The following SYNDIG1 variants were observed in gnomAD, a reference collection of about 807,000 sequenced individuals.
SYNDIG1 encodes the protein synapse differentiation-inducing gene protein 1.
Under a neutral mutation model 19.4 loss-of-function variants are expected in SYNDIG1, and 9 were observed. The observed-to-expected ratio is 0.46, with a 90% confidence interval of 0.28 to 0.81. SYNDIG1 has a LOEUF of 0.81. Among genes scored for constraint, SYNDIG1 ranks in the 30% least tolerant of loss-of-function variants. The probability of loss-of-function intolerance (pLI) is 0.12; values close to 1 mark genes in which losing one functional copy is unlikely to be tolerated. For missense variants in SYNDIG1, 311 were observed against 343.3 expected, an observed-to-expected ratio of 0.91 and a Z score of 0.74; for synonymous variants, 141 against 145.9, an observed-to-expected ratio of 0.97 and a Z score of 0.24.
At chr20:24,569,797 G>A (rs1353463054) in intron 2 of SYNDIG1, among the ~76,000 whole-genome samples, 1 of 152,196 alleles carries the variant, frequency 6.6e-6, no homozygotes, top group Non-Finnish European at 1.5e-5. Context: ...GATCAGAAAA[G>A]ATAAGATGAA....
rs192428472 is a variant in SYNDIG1 at position 24,590,415 on chromosome 20, C to T, written c.618+5422C>T. Among the ~76,000 whole-genome samples, 13 of 152,140 alleles carry T rather than the reference C, an allele frequency of 8.5e-5. No homozygotes were observed. In the South Asian group the frequency reaches 1.2e-3, roughly 15 times the overall value. On this transcript the variant is annotated intron_variant, in intron 3 of 3. Coordinates refer to ENST00000376862, the MANE Select transcript of SYNDIG1 (RefSeq NM_024893.3). ...GCTTCCACTTTGGGATAAGAAGCCT[C>T]GGGGGTTTGAGCGGAGGAGAAGCCC... is the stretch of plus-strand genomic sequence containing the variant.
At chr20:24,551,019 T>C (rs528145886) in intron 2 of SYNDIG1, among the ~76,000 whole-genome samples, 98 of 152,348 alleles carry the variant, frequency 6.4e-4, no homozygotes, top group African/African-American at 2.2e-3. Context: ...TAATATTGGC[T>C]GCATAGAATA....
intron 1 of SYNDIG1, among the ~76,000 whole-genome samples, chr20:24,489,627 CAT>C (rs2146299812): frequency 6.6e-6 from 1 of 152,308 alleles, no homozygotes; most frequent in South Asian, 2.1e-4. Flanking sequence ...TGCACACACA[CAT>C]GCTTAAACAG....
chr20:24,517,710 A>G (rs1363515097), intron 1 of SYNDIG1, among the ~76,000 whole-genome samples: 1 of 145,226 alleles, frequency 6.9e-6, no homozygotes, highest in Non-Finnish European at 1.5e-5. Context: ...ATATATGTGT[A>G]TATATATGTG....
At chr20:24,474,861 C>A (rs1475377421) in intron 1 of SYNDIG1, among the ~76,000 whole-genome samples, 1 of 152,246 alleles carries the variant, frequency 6.6e-6, no homozygotes, top group East Asian at 1.9e-4. Flanking sequence ...TACCTTTCCT[C>A]TATTTCAGAA....
At chr20:24,605,409 T>C (rs2058742046) in intron 3 of SYNDIG1, among the ~76,000 whole-genome samples, 1 of 152,184 alleles carries the variant, frequency 6.6e-6, no homozygotes. Context: ...AATAGTCAAA[T>C]GGTATCTCTC....
At chr20:24,622,007 A>G (rs989662183) in intron 3 of SYNDIG1, among the ~76,000 whole-genome samples, 4 of 152,224 alleles carry the variant, frequency 2.6e-5, no homozygotes, top group African/African-American at 9.6e-5. Context: ...TAATATTACA[A>G]GGCAGGCCAA....
At chr20:24,618,443 G>A (rs73345369) in intron 3 of SYNDIG1, among the ~76,000 whole-genome samples, 30,842 of 152,056 alleles carry the variant, frequency 0.2, 3,890 homozygotes, top group Admixed American at 0.35. Context: ...ACCAGGCCTC[G>A]TGGGCACCAC....
chr20:24,545,797 A>G (rs1034309211), intron 2 of SYNDIG1, among the ~76,000 whole-genome samples: 3 of 152,298 alleles, frequency 2.0e-5, no homozygotes, highest in Admixed American at 1.3e-4. Context: ...ACCAGAAACA[A>G]TTCTTTTAAT....
chr20:24,613,662 CAG>C (rs2058883626), intron 3 of SYNDIG1, among the ~76,000 whole-genome samples: 1 of 152,174 alleles, frequency 6.6e-6, no homozygotes, highest in African/African-American at 2.4e-5. Flanking sequence ...TCAGCCCACA[CAG>C]AGCCAGCTCC....
At chr20:24,509,149 T>C (rs988900821) in intron 1 of SYNDIG1, among the ~76,000 whole-genome samples, 4 of 152,224 alleles carry the variant, frequency 2.6e-5, no homozygotes, top group African/African-American at 9.6e-5. Flanking sequence ...ACCTGATGGG[T>C]TATGGGCATG....
chr20:24,581,847 C>T (rs1600677929), intron 2 of SYNDIG1, among the ~76,000 whole-genome samples: 2 of 150,762 alleles, frequency 1.3e-5, no homozygotes, highest in Admixed American at 6.6e-5. Context: ...CCCTGCACAT[C>T]CTCCCTACTG....
chr20:24,578,451 AAAAAG>A (rs1282220463), intron 2 of SYNDIG1, among the ~76,000 whole-genome samples: 8 of 152,000 alleles, frequency 5.3e-5, no homozygotes, highest in East Asian at 1.9e-4. Context: ...CAAAAAAAAA[AAAAAG>A]AAAGAAAGAA....
chr20:24,643,466 T>G (rs560654582), intron 3 of SYNDIG1, among the ~76,000 whole-genome samples: 99 of 152,322 alleles, frequency 6.5e-4, no homozygotes, highest in Non-Finnish European at 1.1e-3. Flanking sequence ...AGTAACTTTA[T>G]CAGCTAGAGT....
rs2058151010 is a variant in SYNDIG1, at chr20:24,571,914, G to C, written c.481-12942G>C. ...TCCTTCTTCAAGAGAGGACCTTCAG[G>C]CCTTTCAACCCAAAAAAATTATCAA... On this transcript the variant is annotated intron_variant, in intron 2 of 3. Coordinates refer to ENST00000376862, the MANE Select transcript of SYNDIG1 (RefSeq NM_024893.3). 2.0e-5 allele frequency among the ~76,000 whole-genome samples: 3 copies of C among 152,264 alleles called. No homozygotes were observed. In the South Asian group the frequency reaches 6.2e-4, roughly 32 times the overall value.
At chr20:24,639,240 G>A (rs563782712) in intron 3 of SYNDIG1, among the ~76,000 whole-genome samples, 4 of 152,308 alleles carry the variant, frequency 2.6e-5, no homozygotes, top group East Asian at 3.9e-4. Context: ...GTCAGATGGC[G>A]AACAAGGAAA....
intron 3 of SYNDIG1, among the ~76,000 whole-genome samples, chr20:24,628,873 C>T (rs565950913): frequency 4.1e-4 from 63 of 152,302 alleles, no homozygotes; most frequent in Non-Finnish European, 7.6e-4. Flanking sequence ...CCAGTCTCCA[C>T]GCTTTGCAGA....
chr20:24,565,605 C>T (rs2058029782), intron 2 of SYNDIG1, among the ~76,000 whole-genome samples: 1 of 152,214 alleles, frequency 6.6e-6, no homozygotes, highest in African/African-American at 2.4e-5. Flanking sequence ...AAGCAAGCCA[C>T]TAGGACAGAT....
intron 3 of SYNDIG1, among the ~76,000 whole-genome samples, chr20:24,616,428 G>A (rs1222551627): frequency 1.3e-5 from 2 of 152,198 alleles, no homozygotes; most frequent in Admixed American, 1.3e-4. Flanking sequence ...TCTGCCTTTG[G>A]GGATTTTAAT....
Sources: allele counts gnomAD v4.1 joint callset (sites outside exome capture counted in the v4.1 genomes callset), GRCh38; gene constraint gnomAD v4.1.1; transcripts MANE v1.5; gene names NCBI Gene and HGNC (gene_info 2026-07-23, HGNC 2026-07-21).